Variants in LRRTM4 observed in about 807,000 individuals in gnomAD.
LRRTM4 encodes the protein leucine-rich repeat transmembrane neuronal protein 4.
Under a neutral mutation model 47.6 loss-of-function variants are expected in LRRTM4, and 25 were observed. The ratio of observed to expected loss-of-function variants is 0.53; its 90% CI spans 0.38 to 0.73. LRRTM4 has a LOEUF of 0.73. Ranked by LOEUF, LRRTM4 falls within the 30% of genes least tolerant of loss-of-function variation. The pLI, the probability that LRRTM4 is intolerant of heterozygous loss-of-function variation, is 0.00. For synonymous variants in LRRTM4, 311 were observed against 269.5 expected (o/e 1.15, Z -1.51); for missense variants, 638 against 713.4 (o/e 0.89, Z 1.20).
chr2:77,100,047 G>A (rs576109629), intron 3 of LRRTM4, among the ~76,000 whole-genome samples: 132 of 151,486 alleles, frequency 8.7e-4, no homozygotes, highest in Non-Finnish European at 1.5e-3. Flanking sequence ...CTCATTTTTG[G>A]TGTCCTCTTG....
intron 3 of LRRTM4, among the ~76,000 whole-genome samples, chr2:77,473,812 A>G (rs940973816): frequency 6.6e-6 from 1 of 152,156 alleles, no homozygotes; most frequent in Non-Finnish European, 1.5e-5. Context: ...AATGAAGAAG[A>G]GATTTCCTTC....
At chr2:77,008,914 C>CT (rs950044442) in intron 3 of LRRTM4, 5 of 147,712 alleles carry the variant, frequency 3.4e-5, no homozygotes, top group African/African-American at 1.3e-4. Context: ...TATGCTAGGT[C>CT]TCAAGCCATA....
chr2:77,211,529 T>C (rs968891398), intron 3 of LRRTM4, among the ~76,000 whole-genome samples: 4 of 152,210 alleles, frequency 2.6e-5, no homozygotes, highest in Admixed American at 2.6e-4. Context: ...CAAAGTATTT[T>C]AAGGAAAATC....
At chr2:77,516,788 G>T (rs1323167639) in intron 3 of LRRTM4, 1 of 975,366 alleles carries the variant, frequency 1.0e-6, no homozygotes, top group South Asian at 4.8e-5. Flanking sequence ...AGAAGAAAAT[G>T]AATTCTTTGA....
intron 3 of LRRTM4, among the ~76,000 whole-genome samples, chr2:76,896,023 T>C (rs1347825721): frequency 6.6e-6 from 1 of 152,110 alleles, no homozygotes; most frequent in Non-Finnish European, 1.5e-5. Context: ...AGGGCAAATT[T>C]GTGCCAAGTA....
At chr2:77,086,008 A>G in intron 3 of LRRTM4, among the ~76,000 whole-genome samples, 1 of 152,182 alleles carries the variant, frequency 6.6e-6, no homozygotes, top group East Asian at 1.9e-4. Flanking sequence ...TGAGAAAGGG[A>G]GAAAGTACGT....
At chr2:77,484,329 C>G (rs11675925) in intron 3 of LRRTM4, among the ~76,000 whole-genome samples, 50,313 of 151,522 alleles carry the variant, frequency 0.33, 8,492 homozygotes, top group Middle Eastern at 0.35. Flanking sequence ...CTTTTTTTTT[C>G]CTGTCTCTCT....
At chr2:77,245,819 G>A (rs13394850) in intron 3 of LRRTM4, among the ~76,000 whole-genome samples, 8,815 of 152,266 alleles carry the variant, frequency 0.058, 910 homozygotes, top group African/African-American at 0.2. Flanking sequence ...TCAGTCATTT[G>A]TAGAGATGCA....
intron 3 of LRRTM4, among the ~76,000 whole-genome samples, chr2:77,066,698 T>C (rs568181444): frequency 1.4e-4 from 22 of 152,318 alleles, no homozygotes; most frequent in Non-Finnish European, 2.4e-4. Context: ...GGCATATACA[T>C]GCATATGTAC....
chr2:77,206,231 T>A (rs1653016649), intron 3 of LRRTM4, among the ~76,000 whole-genome samples: 2 of 151,298 alleles, frequency 1.3e-5, no homozygotes, highest in African/African-American at 2.4e-5. Context: ...CAGGCTGGAA[T>A]GAGGTGGTGC....
At chr2:76,886,435 G>C (rs1035285169) in intron 3 of LRRTM4, among the ~76,000 whole-genome samples, 1 of 152,058 alleles carries the variant, frequency 6.6e-6, no homozygotes, top group Non-Finnish European at 1.5e-5. Flanking sequence ...TCCCTTGAGA[G>C]TCAAGAGTAA....
chr2:77,185,709 G>A (rs1284798462), intron 3 of LRRTM4, among the ~76,000 whole-genome samples: 1 of 152,074 alleles, frequency 6.6e-6, no homozygotes. Context: ...TAAGCCACAT[G>A]CATCTTTTAA....
At chr2:77,411,174 C>T (rs1264183675) in intron 3 of LRRTM4, among the ~76,000 whole-genome samples, 1 of 152,180 alleles carries the variant, frequency 6.6e-6, no homozygotes, top group African/African-American at 2.4e-5. Flanking sequence ...CTTCATTTTC[C>T]GTACCTTCGC....
intron 3 of LRRTM4, among the ~76,000 whole-genome samples, chr2:77,129,685 A>C (rs898101001): frequency 9.9e-5 from 15 of 152,186 alleles, no homozygotes; most frequent in African/African-American, 3.6e-4. Context: ...ATAAGTCTTC[A>C]ATCATGAGTG....
At chr2:76,872,024 G>C (rs1380628794) in intron 3 of LRRTM4, among the ~76,000 whole-genome samples, 1 of 152,154 alleles carries the variant, frequency 6.6e-6, no homozygotes, top group Admixed American at 6.6e-5. Context: ...AGAAGACCTA[G>C]CTAAGCCATG....
chr2:77,477,951 GAAAGAAAGA>G (rs1677498873), intron 3 of LRRTM4, among the ~76,000 whole-genome samples: 1 of 113,794 alleles, frequency 8.8e-6, no homozygotes, highest in East Asian at 2.2e-4. Flanking sequence ...AAGAAAGAAA[GAAAGAAAGA>G]AAGAAAGAAA....
chr2:76,895,068 T>C (rs1234602422), intron 3 of LRRTM4, among the ~76,000 whole-genome samples: 1 of 147,098 alleles, frequency 6.8e-6, no homozygotes, highest in African/African-American at 2.4e-5. Context: ...AACATTTCAA[T>C]AGTTTAAAAT....
intron 3 of LRRTM4, among the ~76,000 whole-genome samples, chr2:77,254,159 C>A: frequency 6.6e-6 from 1 of 151,562 alleles, no homozygotes; most frequent in Non-Finnish European, 1.5e-5. Context: ...GTATTGAAAG[C>A]AGAGAGAAAT....
intron 3 of LRRTM4, among the ~76,000 whole-genome samples, chr2:77,387,747 A>G (rs373418852): frequency 9.9e-5 from 15 of 152,262 alleles, no homozygotes; most frequent in Middle Eastern, 3.4e-3. Context: ...CCTAAAGGCA[A>G]TCATTCTACC....
Sources: allele counts gnomAD v4.1 joint callset (sites outside exome capture counted in the v4.1 genomes callset), GRCh38; gene constraint gnomAD v4.1.1; transcripts MANE v1.5; gene names NCBI Gene and HGNC (gene_info 2026-07-23, HGNC 2026-07-21).